CFH: variants seen among roughly 807,000 people sequenced by gnomAD.
CFH encodes the protein complement factor H, also known as H factor 1 (complement).
Under a neutral mutation model 147.3 loss-of-function variants are expected in CFH, and 53 were observed. The ratio of observed to expected loss-of-function variants is 0.36; its 90% CI spans 0.29 to 0.45. The LOEUF (loss-of-function observed/expected upper bound fraction) is 0.45. CFH is among the 20% of genes least tolerant of loss of function. CFH has a pLI of 1.00. For synonymous variants in CFH, 536 were observed against 489.4 expected, an observed-to-expected ratio of 1.10 and a Z score of -1.26; for missense variants, 1,380 against 1,498.0, an observed-to-expected ratio of 0.92 and a Z score of 1.30.
intron 10 of CFH, among the ~76,000 whole-genome samples, chr1:196,715,017 G>A (rs1343625243): frequency 6.6e-6 from 1 of 151,816 alleles, no homozygotes; most frequent in African/African-American, 2.4e-5. Context: ...AGGTATTCAT[G>A]TATACTGTTT....
intron 9 of CFH, among the ~76,000 whole-genome samples, chr1:196,706,488 C>T (rs1314442928): frequency 2.6e-5 from 4 of 152,046 alleles, no homozygotes; most frequent in African/African-American, 9.7e-5. Flanking sequence ...TGCCATTAAT[C>T]CCTGAAATAA....
intron 3 of CFH, 69 bp downstream of exon 3, chr1:196,674,031 T>A (rs1271767736): frequency 2.8e-6 from 3 of 1,070,272 alleles, no homozygotes; most frequent in Non-Finnish European, 4.2e-6. Context: ...CTTTATATAT[T>A]TTTAAGGTTA....
intron 1 of CFH, among the ~76,000 whole-genome samples, chr1:196,662,853 C>A (rs1274864303): frequency 6.6e-6 from 1 of 150,580 alleles, no homozygotes; most frequent in African/African-American, 2.5e-5. Context: ...TGCACTCCAG[C>A]CTGGGCAATA....
intron 21 of CFH, among the ~76,000 whole-genome samples, chr1:196,746,732 T>A (rs533746751): frequency 6.6e-6 from 1 of 152,324 alleles, no homozygotes; most frequent in Middle Eastern, 3.4e-3. Flanking sequence ...TTATTAGCTC[T>A]AAATATCACT....
intron 13 of CFH, 37 bp downstream of exon 13, chr1:196,726,689 A>G (rs1669147590): frequency 6.2e-7 from 1 of 1,607,072 alleles, no homozygotes; most frequent in African/African-American, 1.3e-5. Context: ...ACTTGTCAAA[A>G]CTTTTGTATT....
At chr1:196,685,479 T>C (rs1667794824) in intron 7 of CFH, among the ~76,000 whole-genome samples, 1 of 152,098 alleles carries the variant, frequency 6.6e-6, no homozygotes, top group African/African-American at 2.4e-5. Context: ...AATATCTGAA[T>C]TAAAACACTA....
intron 15 of CFH, among the ~76,000 whole-genome samples, chr1:196,736,264 G>A (rs1365727553): frequency 2.6e-5 from 4 of 151,978 alleles, no homozygotes; most frequent in Non-Finnish European, 1.5e-5. Context: ...CTCTAGGGGA[G>A]TTTCAAGTTT....
intron 11 of CFH, among the ~76,000 whole-genome samples, chr1:196,720,633 T>C (rs1668976530): frequency 6.6e-6 from 1 of 151,990 alleles, no homozygotes. Flanking sequence ...TTTTTTTCTT[T>C]TTATTTTTTG....
chr1:196,746,100 T>C, intron 21 of CFH, 101 bp downstream of exon 21: 3 of 1,582,044 alleles, frequency 1.9e-6, no homozygotes, highest in Non-Finnish European at 2.6e-6. Flanking sequence ...ACAACCATTC[T>C]GCTGAATGCT....
chr1:196,659,576 T>C (rs1209026751), intron 1 of CFH, among the ~76,000 whole-genome samples: 4 of 152,198 alleles, frequency 2.6e-5, no homozygotes, highest in Admixed American at 1.3e-4. Context: ...CATATTTATA[T>C]GCACTTTTAA....
intron 9 of CFH, among the ~76,000 whole-genome samples, chr1:196,693,415 A>AG (rs1423500417): frequency 2.0e-5 from 3 of 152,124 alleles, no homozygotes; most frequent in Non-Finnish European, 4.4e-5. Flanking sequence ...TACCTGTGAG[A>AG]GAAAAAAGCT....
chr1:196,669,616 G>T (rs192835447), intron 1 of CFH, among the ~76,000 whole-genome samples: 2 of 152,222 alleles, frequency 1.3e-5, no homozygotes, highest in Admixed American at 1.3e-4. Context: ...TGGTCCTGTG[G>T]GTACACAGAA....
chr1:196,716,537 T>G (rs1668874007), intron 11 of CFH, among the ~76,000 whole-genome samples: 1 of 152,208 alleles, frequency 6.6e-6, no homozygotes, highest in Non-Finnish European at 1.5e-5. Flanking sequence ...TCCTGGATGC[T>G]GTACTTTTTG....
At position 196,692,765 on chromosome 1, in the gene CFH, T is replaced by TTCCCTTC. The variant is rs1490488246; in HGVS notation, c.1336+2526_1336+2527insTCCCTTC. On this transcript the variant is annotated intron_variant, in intron 9 of 21. Transcript: ENST00000367429. ...CTTTCTTTTTCTTTCTTTCTTTCTT[T>TTCCCTTC]CTTTCTTTCTTTCTTTCTTTCTTTC... Among the ~76,000 whole-genome samples, 268 of 42,918 alleles carry TTCCCTTC rather than the reference T, an allele frequency of 6.2e-3. 1 individual carries two copies. Among genetic ancestry groups the TTCCCTTC allele is most frequent in the African/African-American group, 0.023 (193 of 8,264 alleles). 28.2% of individuals were successfully genotyped at this position (42,918 alleles called of 152,430 possible).
intron 12 of CFH, among the ~76,000 whole-genome samples, chr1:196,725,794 A>C (rs1205059232): frequency 6.6e-6 from 1 of 152,096 alleles, no homozygotes; most frequent in Non-Finnish European, 1.5e-5. Context: ...GAGCTAATAG[A>C]GTGAGAACTC....
At chr1:196,727,609 CCTTTT>C (rs1456418020) in intron 14 of CFH, among the ~76,000 whole-genome samples, 1 of 152,040 alleles carries the variant, frequency 6.6e-6, no homozygotes, top group Non-Finnish European at 1.5e-5. Context: ...GTATGGTATT[CCTTTT>C]TAGGCACTGA....
intron 6 of CFH, among the ~76,000 whole-genome samples, chr1:196,680,704 G>A (rs993405758): frequency 6.6e-6 from 1 of 151,836 alleles, no homozygotes; most frequent in African/African-American, 2.4e-5. Context: ...CATACTGTGA[G>A]AGAAAGAAGA....
intron 10 of CFH, among the ~76,000 whole-genome samples, chr1:196,714,524 C>A (rs1349419312): frequency 6.7e-6 from 1 of 149,028 alleles, no homozygotes. Flanking sequence ...ACCACACTAT[C>A]TAGATATTTA....
chr1:196,725,320 C>T, intron 12 of CFH, 23 bp downstream of exon 12: 1 of 1,609,750 alleles, frequency 6.2e-7, no homozygotes, highest in African/African-American at 1.3e-5. Context: ...CTTACAATTG[C>T]TGAAATAAGA....
Sources: gnomAD v4.1 joint callset for allele counts (sites outside exome capture counted in the v4.1 genomes callset) on GRCh38, gnomAD v4.1.1 for gene constraint, MANE v1.5 for transcripts, NCBI Gene and HGNC (gene_info 2026-07-23, HGNC 2026-07-21) for gene names.